RNF150: variants seen among roughly 807,000 people sequenced by gnomAD.
RNF150 encodes the protein ring finger protein 150.
RNF150 carries 24 observed loss-of-function variants against 39.3 expected under a neutral mutation model. The ratio of observed to expected loss-of-function variants is 0.61; its 90% CI spans 0.44 to 0.86. The LOEUF (loss-of-function observed/expected upper bound fraction) is 0.86, where lower values mean the gene tolerates loss of function less well. RNF150 is among the 40% of genes least tolerant of loss of function. The pLI, the probability that RNF150 is intolerant of heterozygous loss-of-function variation, is 0.00. For synonymous variants in RNF150, 255 were observed against 227.3 expected (o/e 1.12, Z -1.10); for missense variants, 502 against 587.8 (o/e 0.85, Z 1.51).
intron 6 of RNF150, among the ~76,000 whole-genome samples, chr4:140,871,081 A>G (rs1018430025): frequency 6.6e-6 from 1 of 152,156 alleles, no homozygotes; most frequent in Admixed American, 6.5e-5. Flanking sequence ...ACTTGATACT[A>G]TATTCTAGCA....
intron 2 of RNF150, among the ~76,000 whole-genome samples, chr4:140,951,300 C>G (rs1732530109): frequency 6.6e-6 from 1 of 152,100 alleles, no homozygotes; most frequent in Non-Finnish European, 1.5e-5. Flanking sequence ...CCCTATATCC[C>G]CAGCATATAT....
At chr4:141,142,892 T>TA (rs1292131560) in intron 1 of RNF150, among the ~76,000 whole-genome samples, 33 of 151,438 alleles carry the variant, frequency 2.2e-4, no homozygotes, top group Non-Finnish European at 4.7e-4. Context: ...TTTTTTTAGA[T>TA]AGAGTCTGTC....
chr4:140,994,894 G>A (rs773120940), intron 1 of RNF150, among the ~76,000 whole-genome samples: 1 of 152,064 alleles, frequency 6.6e-6, no homozygotes, highest in Non-Finnish European at 1.5e-5. Flanking sequence ...GGTACATGAG[G>A]TATTTTGATA....
intron 6 of RNF150, among the ~76,000 whole-genome samples, chr4:140,907,939 G>A (rs985271859): frequency 6.6e-6 from 1 of 152,206 alleles, no homozygotes; most frequent in Admixed American, 6.5e-5. Context: ...TAGGTACAAC[G>A]TATTTCTTAG....
chr4:141,175,219 C>A (rs1425389033), intron 1 of RNF150, among the ~76,000 whole-genome samples: 1 of 152,190 alleles, frequency 6.6e-6, no homozygotes, highest in Non-Finnish European at 1.5e-5. Context: ...CGCTGTGCAA[C>A]CTTGGGAAAT....
At chr4:140,993,226 G>A (rs1353725947) in intron 1 of RNF150, among the ~76,000 whole-genome samples, 1 of 152,220 alleles carries the variant, frequency 6.6e-6, no homozygotes, top group Non-Finnish European at 1.5e-5. Context: ...TTCTAAGGGA[G>A]AACCTATGTC....
At chr4:141,005,990 A>C in intron 1 of RNF150, among the ~76,000 whole-genome samples, 1 of 129,704 alleles carries the variant, frequency 7.7e-6, no homozygotes, top group South Asian at 2.5e-4. Context: ...AATGGCGTGA[A>C]CCCGGGAGGC....
chr4:141,044,798 C>CACACACA (rs55764233), intron 1 of RNF150, among the ~76,000 whole-genome samples: 6,574 of 143,062 alleles, frequency 0.046, 175 homozygotes, highest in East Asian at 0.23. Context: ...CACACACACA[C>CACACACA]AATTCATGTG....
At chr4:141,006,966 G>A (rs140433655) in intron 1 of RNF150, among the ~76,000 whole-genome samples, 12 of 152,098 alleles carry the variant, frequency 7.9e-5, no homozygotes, top group East Asian at 1.9e-4. Flanking sequence ...AAAACTACAC[G>A]TCTGGAAAAG....
chr4:141,133,163 C>A lies in RNF150; in HGVS notation c.-355G>T. On this transcript the variant is annotated 5_prime_UTR_variant, in exon 1 of 7. Coordinates refer to ENST00000515673, the MANE Select transcript of RNF150 (RefSeq NM_020724.2). Reference sequence around the variant, plus strand: ...ATAAGGGTGGCCGGGGGCCCACGAACTTGCAGGGTGGCGGCCCTGCGCCCT... The same window carrying A: ...ATAAGGGTGGCCGGGGGCCCACGAAATTGCAGGGTGGCGGCCCTGCGCCCT... 1 of 258,174 alleles carries A rather than the reference C, an allele frequency of 3.9e-6. No individual in the cohort carries two copies. The highest frequency in any genetic ancestry group is 4.3e-5 in the South Asian group (1 of 23,246). The allele number at this position is 258,174 out of a possible 1,614,324, so 16.0% of individuals were successfully genotyped here.
intron 1 of RNF150, among the ~76,000 whole-genome samples, chr4:141,169,791 A>G (rs1727667937): frequency 6.6e-6 from 1 of 151,730 alleles, no homozygotes; most frequent in Admixed American, 6.6e-5. Flanking sequence ...TTATGAGGTT[A>G]ATTATAGTTC....
At chr4:140,957,236 C>G (rs1448284756) in intron 2 of RNF150, among the ~76,000 whole-genome samples, 1 of 152,044 alleles carries the variant, frequency 6.6e-6, no homozygotes, top group Non-Finnish European at 1.5e-5. Flanking sequence ...AAAAAGTGGG[C>G]GAAGGACATG....
chr4:141,027,934 T>TTG (rs1560696766), intron 1 of RNF150, among the ~76,000 whole-genome samples: 1 of 127,236 alleles, frequency 7.9e-6, no homozygotes, highest in African/African-American at 3.0e-5. Flanking sequence ...TTGTTTTTTT[T>TTG]TTTTTTTTTT....
At chr4:141,008,579 T>C (rs1361463780) in intron 1 of RNF150, among the ~76,000 whole-genome samples, 1 of 152,254 alleles carries the variant, frequency 6.6e-6, no homozygotes, top group Non-Finnish European at 1.5e-5. Context: ...CTTAGTTTTT[T>C]ATATGGCATG....
chr4:140,917,732 T>C (rs1038350926), intron 5 of RNF150, among the ~76,000 whole-genome samples: 2 of 151,782 alleles, frequency 1.3e-5, no homozygotes, highest in Non-Finnish European at 2.9e-5. Flanking sequence ...ATCAACAGAA[T>C]ATACATTTTT....
intron 6 of RNF150, among the ~76,000 whole-genome samples, chr4:140,880,547 CTT>C (rs879657754): frequency 1.5e-5 from 2 of 136,886 alleles, no homozygotes; most frequent in Non-Finnish European, 1.6e-5. Context: ...CCTCTCCAGT[CTT>C]TTTTTTTTTT....
chr4:141,150,827 T>C (rs1727284157), intron 1 of RNF150, among the ~76,000 whole-genome samples: 1 of 152,234 alleles, frequency 6.6e-6, no homozygotes, highest in Admixed American at 6.5e-5. Context: ...GATTAGTTCC[T>C]AGAATATAGT....
chr4:140,969,487 G>A (rs991285695), intron 1 of RNF150, among the ~76,000 whole-genome samples: 1 of 152,028 alleles, frequency 6.6e-6, no homozygotes, highest in Non-Finnish European at 1.5e-5. Flanking sequence ...TTGTGTGGGG[G>A]ATTAAGGCTG....
At chr4:141,003,860 G>A (rs996191905) in intron 1 of RNF150, among the ~76,000 whole-genome samples, 1 of 152,090 alleles carries the variant, frequency 6.6e-6, no homozygotes, top group Non-Finnish European at 1.5e-5. Flanking sequence ...CCTTGAGTGA[G>A]TCTTTGACTT....
Sources: allele counts gnomAD v4.1 joint callset (sites outside exome capture counted in the v4.1 genomes callset), GRCh38; gene constraint gnomAD v4.1.1; transcripts MANE v1.5; gene names NCBI Gene and HGNC (gene_info 2026-07-23, HGNC 2026-07-21).